The following MGAT4A variants were observed in gnomAD, a reference collection of about 807,000 sequenced individuals.
MGAT4A encodes N-acetylglucosaminyltransferase IVa.
Under a neutral mutation model 74.1 loss-of-function variants are expected in MGAT4A, and 33 were observed. The ratio of observed to expected loss-of-function variants is 0.45; its 90% CI spans 0.34 to 0.60. MGAT4A has a LOEUF of 0.60. Ranked by LOEUF, MGAT4A falls within the 20% of genes least tolerant of loss-of-function variation. The pLI is 0.02. For synonymous variants in MGAT4A, 198 were observed against 210.4 expected, an observed-to-expected ratio of 0.94 and a Z score of 0.51; for missense variants, 479 against 628.3, an observed-to-expected ratio of 0.76 and a Z score of 2.54.
At chr2:98,706,483 C>A (rs1702434500) in intron 2 of MGAT4A, among the ~76,000 whole-genome samples, 1 of 152,020 alleles carries the variant, frequency 6.6e-6, no homozygotes, top group East Asian at 1.9e-4. Context: ...GCGCCCACCA[C>A]CATGCCCAGC....
chr2:98,684,943 A>G (rs1162861254), intron 2 of MGAT4A, among the ~76,000 whole-genome samples: 2 of 152,192 alleles, frequency 1.3e-5, no homozygotes, highest in African/African-American at 2.4e-5. Context: ...AAAAATGTTG[A>G]TAAGTCCTCT....
chr2:98,643,409 G>A (rs1701440796), intron 10 of MGAT4A, among the ~76,000 whole-genome samples: 1 of 152,178 alleles, frequency 6.6e-6, no homozygotes, highest in South Asian at 2.1e-4. Flanking sequence ...TTACTTGACT[G>A]CAACTATTAT....
At chr2:98,680,813 TAAG>T (rs1229990551) in intron 2 of MGAT4A, among the ~76,000 whole-genome samples, 2 of 152,194 alleles carry the variant, frequency 1.3e-5, no homozygotes, top group African/African-American at 2.4e-5. Context: ...TAAACAATTA[TAAG>T]AAGAGACACA....
At chr2:98,714,180 C>T (rs1268667522) in intron 2 of MGAT4A, among the ~76,000 whole-genome samples, 6 of 152,130 alleles carry the variant, frequency 3.9e-5, no homozygotes, top group East Asian at 1.9e-4. Flanking sequence ...CTTCGCCTCC[C>T]GGGTTCAAGC....
At chr2:98,728,135 A>G (rs1206012745) in intron 1 of MGAT4A, among the ~76,000 whole-genome samples, 1 of 152,232 alleles carries the variant, frequency 6.6e-6, no homozygotes, top group African/African-American at 2.4e-5. Flanking sequence ...TGATCTACTA[A>G]GGAGTAAGTT....
At chr2:98,664,329 A>T (rs1216249162) in intron 4 of MGAT4A, among the ~76,000 whole-genome samples, 1 of 151,982 alleles carries the variant, frequency 6.6e-6, no homozygotes, top group African/African-American at 2.4e-5. Flanking sequence ...TTGTTTCTAC[A>T]TGATTAACAT....
chr2:98,724,365 T>C (rs1702730396), intron 2 of MGAT4A, among the ~76,000 whole-genome samples: 1 of 152,332 alleles, frequency 6.6e-6, no homozygotes, highest in Admixed American at 6.5e-5. Flanking sequence ...GCCAGAACTA[T>C]CTAGAAAGAA....
intron 2 of MGAT4A, among the ~76,000 whole-genome samples, chr2:98,696,510 A>T (rs1459037082): frequency 6.6e-6 from 1 of 152,238 alleles, no homozygotes; most frequent in Non-Finnish European, 1.5e-5. Flanking sequence ...TATGTAATAG[A>T]AGTAGCATGT....
intron 2 of MGAT4A, among the ~76,000 whole-genome samples, chr2:98,693,781 C>T (rs539339282): frequency 2.0e-5 from 3 of 151,918 alleles, no homozygotes; most frequent in South Asian, 4.2e-4. Context: ...CTGTAGACCA[C>T]GGTAAGTTAT....
chr2:98,685,720 T>C (rs1702119766), intron 2 of MGAT4A, among the ~76,000 whole-genome samples: 1 of 152,194 alleles, frequency 6.6e-6, no homozygotes, highest in Non-Finnish European at 1.5e-5. Context: ...GTTTCCTGAA[T>C]TTATCATGCA....
chr2:98,727,398 C>T (rs1702782106), intron 1 of MGAT4A, among the ~76,000 whole-genome samples: 1 of 152,172 alleles, frequency 6.6e-6, no homozygotes, highest in African/African-American at 2.4e-5. Context: ...CAGCATTCAG[C>T]ATATAATAGG....
chr2:98,697,270 C>T (rs1357664166), intron 2 of MGAT4A, among the ~76,000 whole-genome samples: 7 of 152,128 alleles, frequency 4.6e-5, no homozygotes, highest in African/African-American at 7.2e-5. Context: ...GCCTCATGGG[C>T]GTCACGCAGA....
At chr2:98,688,775 C>T (rs1434645946) in intron 2 of MGAT4A, among the ~76,000 whole-genome samples, 1 of 152,120 alleles carries the variant, frequency 6.6e-6, no homozygotes, top group Non-Finnish European at 1.5e-5. Flanking sequence ...TCAGTGTATC[C>T]TTTTGAGAGC....
chr2:98,622,934 G>T lies in MGAT4A; in HGVS notation c.*2632C>A. 1.0e-6 allele frequency: 1 copy of T among 983,712 alleles called. No homozygotes were observed. The highest frequency in any genetic ancestry group is 1.2e-6 in the Non-Finnish European group (1 of 828,258). 60.9% of individuals were successfully genotyped at this position (983,712 alleles called of 1,614,324 possible). ...TTTGGGAGGCTGAGGCAGGAGGATT[G>T]CTTGAGGCCAGAGATCGAGGCTGCA... is the stretch of plus-strand genomic sequence containing the variant. On this transcript the variant is annotated 3_prime_UTR_variant, in exon 16 of 16. Coordinates refer to ENST00000393487, the MANE Select transcript of MGAT4A (RefSeq NM_012214.3).
chr2:98,682,252 G>A (rs1194341839), intron 2 of MGAT4A, among the ~76,000 whole-genome samples: 1 of 151,882 alleles, frequency 6.6e-6, no homozygotes, highest in Non-Finnish European at 1.5e-5. Flanking sequence ...GAGAAATCCC[G>A]TCTCTACTAA....
intron 14 of MGAT4A, among the ~76,000 whole-genome samples, 174 bp downstream of exon 14, chr2:98,635,048 T>G (rs763055996): frequency 1.3e-5 from 2 of 152,130 alleles, no homozygotes; most frequent in Non-Finnish European, 2.9e-5. Context: ...ATCTGTGATA[T>G]GAAATCCTAC....
chr2:98,635,346 ATTAATATATC>A (rs756427065), intron 13 of MGAT4A, 58 bp from the exon 14 acceptor site: 20 of 1,276,122 alleles, frequency 1.6e-5, no homozygotes, highest in Admixed American at 2.1e-5. Flanking sequence ...AACCTAAGTT[ATTAATATATC>A]TTAATATAGA....
At chr2:98,658,169 G>T in intron 6 of MGAT4A, 49 bp downstream of exon 6, 1 of 1,227,850 alleles carries the variant, frequency 8.1e-7, no homozygotes, top group Non-Finnish European at 1.2e-6. Context: ...AAACCCAAGA[G>T]ATAATAGTAA....
intron 2 of MGAT4A, among the ~76,000 whole-genome samples, chr2:98,717,977 AAAAC>A (rs1358557802): frequency 6.6e-6 from 1 of 152,266 alleles, no homozygotes; most frequent in Non-Finnish European, 1.5e-5. Flanking sequence ...TCTGTAAAGA[AAAAC>A]AAATCTAAAA....
Sources: gnomAD v4.1 joint callset for allele counts (sites outside exome capture counted in the v4.1 genomes callset) on GRCh38, gnomAD v4.1.1 for gene constraint, MANE v1.5 for transcripts, NCBI Gene and HGNC (gene_info 2026-07-23, HGNC 2026-07-21) for gene names.